Variants in CDK19 observed in about 807,000 individuals in gnomAD.
The protein encoded by CDK19 is cyclin-dependent kinase 19.
CDK19 carries 20 observed loss-of-function variants against 68.3 expected under a neutral mutation model. The observed-to-expected ratio is 0.29, with a 90% CI of 0.21 to 0.43. The LOEUF (loss-of-function observed/expected upper bound fraction) is 0.43. CDK19 is among the 20% of genes least tolerant of loss of function. CDK19 has a pLI of 1.00. For missense variants in CDK19, 339 were observed against 623.5 expected, an observed-to-expected ratio of 0.54 and a Z score of 4.86; for synonymous variants, 221 against 222.8, an observed-to-expected ratio of 0.99 and a Z score of 0.07.
At chr6:110,625,064 G>A (rs573709356) in intron 8 of CDK19, among the ~76,000 whole-genome samples, 8 of 152,176 alleles carry the variant, frequency 5.3e-5, no homozygotes, top group Non-Finnish European at 4.4e-5. Flanking sequence ...ACTTCCACAG[G>A]ATAAATTCCA....
At chr6:110,635,542 C>G (rs942541774) in intron 5 of CDK19, among the ~76,000 whole-genome samples, 2 of 152,136 alleles carry the variant, frequency 1.3e-5, no homozygotes, top group Admixed American at 6.5e-5. Context: ...CCCACTCCCC[C>G]TCCCCCACCG....
At chr6:110,674,496 A>T (rs1771306727) in intron 2 of CDK19, among the ~76,000 whole-genome samples, 1 of 152,222 alleles carries the variant, frequency 6.6e-6, no homozygotes, top group African/African-American at 2.4e-5. Context: ...AAGGAAATTA[A>T]AAGTTCTACT....
chr6:110,744,017 T>G (rs1583004505), intron 2 of CDK19, among the ~76,000 whole-genome samples: 1 of 147,748 alleles, frequency 6.8e-6, no homozygotes, highest in Non-Finnish European at 1.5e-5. Flanking sequence ...CCACGTTTTT[T>G]TTTTTTTTTT....
rs569066696 is a variant in CDK19 at position 110,797,569 on chromosome 6, A to C, written c.128+17440T>G. ...GGAGGGAAGGAAGATAGAAAAGAAA[A>C]AAGGAAGAAAGCAGCAATGAAAACA... On this transcript the variant is annotated intron_variant, in intron 1 of 12. Transcript: ENST00000368911. Among the ~76,000 whole-genome samples, 451 of 152,346 alleles carry C rather than the reference A, an allele frequency of 3.0e-3. 1 individual carries two copies. The highest frequency in any genetic ancestry group is 4.9e-3 in the Non-Finnish European group (332 of 68,034).
chr6:110,693,908 G>C (rs1773251560), intron 2 of CDK19, among the ~76,000 whole-genome samples: 1 of 152,118 alleles, frequency 6.6e-6, no homozygotes, highest in South Asian at 2.1e-4. Context: ...GGGAGATAAA[G>C]TATTTTTCAA....
chr6:110,620,393 C>T (rs1163737550), intron 12 of CDK19, among the ~76,000 whole-genome samples: 2 of 149,636 alleles, frequency 1.3e-5, no homozygotes, highest in Admixed American at 1.3e-4. Flanking sequence ...AACAAAAAAA[C>T]AAACAAACAA....
intron 12 of CDK19, among the ~76,000 whole-genome samples, chr6:110,616,485 T>C (rs975167186): frequency 6.6e-6 from 1 of 152,018 alleles, no homozygotes; most frequent in African/African-American, 2.4e-5. Flanking sequence ...CTGGCCAACA[T>C]GGTGAAACCC....
At position 110,626,777 on chromosome 6, in the gene CDK19, T is replaced by A; in HGVS notation, c.859A>T (p.Thr287Ser). The A allele has an allele frequency of 2.6e-6, 4 of 1,552,500 alleles. No individual in the cohort carries two copies. Among genetic ancestry groups the A allele is most frequent in the Non-Finnish European group, 3.5e-6 (4 of 1,133,612 alleles). ...PTLQKDFRRT[T>S]YANSSLIKYM... ...CTAAGACTGTGTGGAATTACTTACG[T>A]TGTTCTTCTAAAGTCTTTTTGAAGT... Residue 287 changes from threonine to serine, a missense_variant and splice_region_variant, in exon 8 of 13, where the codon ACG becomes TCG. Around this residue, in one of 4 missense-constraint regions of CDK19, gnomAD observed 63 missense variants for 156.5 expected, o/e 0.40. Transcript: ENST00000368911.
chr6:110,744,188 G>C (rs1175541577), intron 2 of CDK19, among the ~76,000 whole-genome samples: 1 of 151,754 alleles, frequency 6.6e-6, no homozygotes. Flanking sequence ...TGTATTTTCA[G>C]TAGAGGTGGG....
intron 1 of CDK19, among the ~76,000 whole-genome samples, chr6:110,801,677 A>T (rs1042911721): frequency 1.4e-4 from 22 of 152,104 alleles, no homozygotes; most frequent in Non-Finnish European, 2.2e-4. Context: ...GCACCCGGCT[A>T]ATTTTTTGTA....
chr6:110,742,255 T>C (rs1490842284), intron 2 of CDK19, among the ~76,000 whole-genome samples: 1 of 152,226 alleles, frequency 6.6e-6, no homozygotes, highest in East Asian at 1.9e-4. Context: ...TGAACATAAT[T>C]GTGAAGATTT....
At chr6:110,804,289 G>A (rs1782526527) in intron 1 of CDK19, among the ~76,000 whole-genome samples, 1 of 152,126 alleles carries the variant, frequency 6.6e-6, no homozygotes, top group African/African-American at 2.4e-5. Flanking sequence ...GCCTCTATAA[G>A]AAGAGTGTAT....
intron 1 of CDK19, among the ~76,000 whole-genome samples, chr6:110,749,195 T>C (rs914776005): frequency 3.9e-5 from 6 of 152,224 alleles, no homozygotes; most frequent in Admixed American, 1.3e-4. Context: ...AAATGCTATA[T>C]AGAATTTTTA....
At chr6:110,647,065 G>A (rs866603614) in intron 4 of CDK19, among the ~76,000 whole-genome samples, 1 of 151,668 alleles carries the variant, frequency 6.6e-6, no homozygotes, top group Non-Finnish European at 1.5e-5. Flanking sequence ...CACTATTTCT[G>A]CGCTGTCTAC....
chr6:110,745,789 A>G (rs1447951766), intron 2 of CDK19, among the ~76,000 whole-genome samples: 1 of 152,182 alleles, frequency 6.6e-6, no homozygotes, highest in Admixed American at 6.5e-5. Flanking sequence ...CAACACAAGG[A>G]GACCTCTTCT....
chr6:110,795,644 CA>C (rs1781887146), intron 1 of CDK19, among the ~76,000 whole-genome samples: 1 of 152,026 alleles, frequency 6.6e-6, no homozygotes, highest in Non-Finnish European at 1.5e-5. Flanking sequence ...TTTGACACAG[CA>C]AATTAACTTA....
chr6:110,686,027 A>G (rs12207678), intron 2 of CDK19, among the ~76,000 whole-genome samples: 5,145 of 152,246 alleles, frequency 0.034, 123 homozygotes, highest in Middle Eastern at 0.078. Flanking sequence ...TTGCCCTGGG[A>G]CATGGGAATG....
intron 1 of CDK19, among the ~76,000 whole-genome samples, chr6:110,766,876 T>C (rs1296094949): frequency 1.3e-5 from 2 of 152,112 alleles, no homozygotes; most frequent in Non-Finnish European, 2.9e-5. Context: ...GGCTCATGCC[T>C]GTAATCACAG....
intron 4 of CDK19, chr6:110,646,590 A>T: frequency 1.3e-6 from 1 of 743,960 alleles, no homozygotes; most frequent in South Asian, 3.3e-5. Context: ...CAACCGGGCC[A>T]ACGGCGGAGG....
Sources: gnomAD v4.1 joint callset for allele counts (sites outside exome capture counted in the v4.1 genomes callset) on GRCh38, gnomAD v4.1.1 for gene constraint, gnomAD v4.1.1 regional missense constraint, MANE v1.5 for transcripts, NCBI Gene and HGNC (gene_info 2026-07-23, HGNC 2026-07-21) for gene names.